The following LRFN2 variants were observed in gnomAD, a reference collection of about 807,000 sequenced individuals.
The protein encoded by LRFN2 is leucine rich repeat and fibronectin type III domain containing 2, also known as leucine-rich repeat and fibronectin type-III domain-containing protein 2.
A neutral mutation model predicts 37.3 loss-of-function variants in LRFN2; 18 were observed. That is an observed-to-expected ratio of 0.48 (90% CI 0.33 to 0.72). The LOEUF (loss-of-function observed/expected upper bound fraction) is 0.72. Among genes scored for constraint, LRFN2 ranks in the 30% least tolerant of loss-of-function variants. The pLI is 0.02. For missense variants in LRFN2, 1,006 were observed against 1,060.7 expected, an observed-to-expected ratio of 0.95 and a Z score of 0.72; for synonymous variants, 556 against 466.6, an observed-to-expected ratio of 1.19 and a Z score of -2.47.
At chr6:40,440,151 T>C (rs1452530318) in intron 1 of LRFN2, among the ~76,000 whole-genome samples, 4 of 151,156 alleles carry the variant, frequency 2.6e-5, no homozygotes, top group Non-Finnish European at 4.4e-5. Flanking sequence ...GGCAAAATAA[T>C]GTCTAAAACA....
intron 2 of LRFN2, among the ~76,000 whole-genome samples, chr6:40,417,306 C>T (rs1445145417): frequency 6.6e-6 from 1 of 152,184 alleles, no homozygotes; most frequent in Non-Finnish European, 1.5e-5. Flanking sequence ...ATCCTGTCTC[C>T]ATGCTCAGTG....
intron 1 of LRFN2, among the ~76,000 whole-genome samples, chr6:40,538,003 T>C (rs1429298178): frequency 6.6e-6 from 1 of 152,004 alleles, no homozygotes; most frequent in Admixed American, 6.5e-5. Flanking sequence ...CTTCAGCTTG[T>C]TCAGGTCTGA....
chr6:40,521,060 C>A (rs770822470), intron 1 of LRFN2, among the ~76,000 whole-genome samples: 1 of 152,028 alleles, frequency 6.6e-6, no homozygotes, highest in African/African-American at 2.4e-5. Context: ...CATGGGGCCG[C>A]GTCGCTAGAG....
At chr6:40,490,035 G>T (rs181497907) in intron 1 of LRFN2, among the ~76,000 whole-genome samples, 77 of 152,258 alleles carry the variant, frequency 5.1e-4, no homozygotes, top group African/African-American at 1.7e-3. Flanking sequence ...CTTGCCTGGA[G>T]CCCGGAGCCC....
intron 2 of LRFN2, among the ~76,000 whole-genome samples, chr6:40,427,198 C>T (rs1307590838): frequency 6.6e-6 from 1 of 152,226 alleles, no homozygotes; most frequent in Non-Finnish European, 1.5e-5. Flanking sequence ...TTAGAAAATA[C>T]ACTGGCAGTA....
intron 1 of LRFN2, among the ~76,000 whole-genome samples, chr6:40,548,627 T>C (rs1766709643): frequency 6.6e-6 from 1 of 152,082 alleles, no homozygotes; most frequent in Non-Finnish European, 1.5e-5. Context: ...TCCTGGAAGG[T>C]TGAGGCTCCA....
rs573485683 is a variant in LRFN2, at chr6:40,475,373, G to A, written c.-18-42242C>T. 7.9e-5 allele frequency among the ~76,000 whole-genome samples: 12 copies of A among 152,224 alleles called. No homozygotes were observed. The South Asian group carries it at 8.3e-4, about 11-fold the overall frequency. On this transcript the variant is annotated intron_variant, in intron 1 of 2. Transcript: ENST00000338305. ...GATGGCTTGGGAGGGATTCCACTCC[G>A]TACTAGAGACAAGCACCGTCTGTAT... is the stretch of plus-strand genomic sequence containing the variant.
chr6:40,542,397 G>GT (rs1766572466), intron 1 of LRFN2, among the ~76,000 whole-genome samples: 3 of 151,778 alleles, frequency 2.0e-5, no homozygotes, highest in Admixed American at 6.6e-5. Flanking sequence ...AACTCAGGAA[G>GT]CAGGCTGATG....
intron 1 of LRFN2, among the ~76,000 whole-genome samples, chr6:40,498,586 T>A (rs1450565552): frequency 6.6e-6 from 1 of 152,180 alleles, no homozygotes; most frequent in Non-Finnish European, 1.5e-5. Flanking sequence ...CACCAAGATA[T>A]CCAAGGACAC....
intron 1 of LRFN2, among the ~76,000 whole-genome samples, chr6:40,540,413 C>T (rs568856274): frequency 1.4e-4 from 22 of 152,136 alleles, no homozygotes; most frequent in Non-Finnish European, 3.1e-4. Flanking sequence ...AGGGTGTCTT[C>T]CTTTGAGGCC....
intron 2 of LRFN2, among the ~76,000 whole-genome samples, chr6:40,417,155 C>A (rs921716747): frequency 2.0e-5 from 3 of 152,228 alleles, no homozygotes; most frequent in African/African-American, 7.2e-5. Context: ...TAGCAACAAT[C>A]AAAGCTTGAG....
intron 2 of LRFN2, among the ~76,000 whole-genome samples, chr6:40,427,313 C>G (rs1345314997): frequency 6.6e-6 from 1 of 152,232 alleles, no homozygotes; most frequent in African/African-American, 2.4e-5. Flanking sequence ...TTCACTCCAT[C>G]AGTTTACATT....
intron 1 of LRFN2, among the ~76,000 whole-genome samples, chr6:40,578,158 C>G (rs1024957271): frequency 3.9e-5 from 6 of 152,210 alleles, no homozygotes; most frequent in Admixed American, 1.3e-4. Context: ...AACTCCCATC[C>G]TCTGGGGTGC....
intron 1 of LRFN2, among the ~76,000 whole-genome samples, chr6:40,470,392 A>T (rs1248523878): frequency 6.6e-6 from 1 of 152,224 alleles, no homozygotes; most frequent in Admixed American, 6.5e-5. Context: ...CGAGCAGATC[A>T]CGAGGTCAGG....
intron 1 of LRFN2, among the ~76,000 whole-genome samples, chr6:40,572,196 G>A (rs1767201804): frequency 6.6e-6 from 1 of 152,200 alleles, no homozygotes; most frequent in Non-Finnish European, 1.5e-5. Flanking sequence ...AGGACGTAGA[G>A]ATGATAGTTA....
At chr6:40,528,862 C>T (rs1285555753) in intron 1 of LRFN2, among the ~76,000 whole-genome samples, 2 of 152,180 alleles carry the variant, frequency 1.3e-5, no homozygotes, top group Non-Finnish European at 1.5e-5. Flanking sequence ...CATGGATTCT[C>T]CAAGAAGCCT....
intron 1 of LRFN2, among the ~76,000 whole-genome samples, chr6:40,565,565 C>T (rs1243687814): frequency 1.3e-5 from 2 of 152,166 alleles, no homozygotes; most frequent in East Asian, 3.9e-4. Flanking sequence ...GAGCAGAGCC[C>T]TCAGAAATAT....
rs1248983681 is a variant in LRFN2 at position 40,433,030 on chromosome 6, C to T, written c.84G>A (p.Gln28=). ...VDACPKYCVC[Q]NLSESLGTLC... ...GGGTCCCCAGTGACTCAGACAGATT[C>T]TGGCAGACACAGTACTTGGGGCAGG... Residue 28 remains glutamine, a synonymous_variant, in exon 2 of 3, where the codon CAG becomes CAA. Coordinates refer to ENST00000338305, the MANE Select transcript of LRFN2 (RefSeq NM_020737.3). The T allele has an allele frequency of 1.0e-5, 16 of 1,595,112 alleles. No homozygotes were observed. The highest frequency in any genetic ancestry group is 1.7e-4 in the Middle Eastern group (1 of 5,980).
At chr6:40,496,206 C>G (rs865838093) in intron 1 of LRFN2, among the ~76,000 whole-genome samples, 1 of 152,288 alleles carries the variant, frequency 6.6e-6, no homozygotes, top group Middle Eastern at 3.4e-3. Flanking sequence ...ACCACCTCCA[C>G]TACTACTGCC....
Sources: allele counts gnomAD v4.1 joint callset (sites outside exome capture counted in the v4.1 genomes callset), GRCh38; gene constraint gnomAD v4.1.1; transcripts MANE v1.5; gene names NCBI Gene and HGNC (gene_info 2026-07-23, HGNC 2026-07-21).